The following CASD1 variants were observed in gnomAD, a reference collection of about 807,000 sequenced individuals.
The protein encoded by CASD1 is CAS1 domain sialic acid O acetyltransferase 1, also known as N-acetylneuraminate (7)9-O-acetyltransferase.
A neutral mutation model predicts 100.0 loss-of-function variants in CASD1; 41 were observed. The ratio of observed to expected loss-of-function variants is 0.41; its 90% CI spans 0.32 to 0.53. The LOEUF (loss-of-function observed/expected upper bound fraction) is 0.53, where lower values mean the gene tolerates loss of function less well. CASD1 is among the 20% of genes least tolerant of loss of function. The pLI is 0.25. For missense variants in CASD1, 774 were observed against 948.7 expected (o/e 0.82, Z 2.42); for synonymous variants, 321 against 315.6 (o/e 1.02, Z -0.18).
In CASD1 at chr7:94,533,265, T is replaced by C; in HGVS notation, c.504+16T>C. ...AGCTGCCACAGTAAGTTATCATCTG[T>C]ATTCTTACTTAATGATTTTGTTTCA... On this transcript the variant is annotated intron_variant, in intron 6 of 17. Coordinates refer to ENST00000297273, the MANE Select transcript of CASD1 (RefSeq NM_022900.5). 2 of 1,592,050 alleles carry C rather than the reference T, an allele frequency of 1.3e-6. No homozygotes were observed. The highest frequency in any genetic ancestry group is 1.7e-6 in the Non-Finnish European group (2 of 1,164,132).
At chr7:94,610,981 C>T in the CASD1 span, among the ~76,000 whole-genome samples, 10 of 152,044 alleles carry the variant, frequency 6.6e-5, no homozygotes, top group Admixed American at 4.6e-4. Flanking sequence ...TGGCTATAAT[C>T]AAAAAGGCAG....
chr7:94,552,402 T>G lies in CASD1; in HGVS notation c.2009T>G (p.Leu670Arg). 6.2e-7 allele frequency: 1 copy of G among 1,610,460 alleles called. No homozygotes were observed. ...SCKNKAECNE[L>R]HPSVSVVQIL... The stretch of plus-strand genomic sequence containing the variant: ...AAAAACAAAGCAGAGTGCAATGAAC[T>G]CCATCCGTCTGTTTCTGTGGTACAG... The change falls in exon 16 of 18, where the codon CTC becomes CGC. Residue 670 changes from leucine (L) to arginine (R), a missense_variant. By Grantham distance (102) the Leu-to-Arg change is moderately radical. Around this residue, in one of 5 missense-constraint regions of CASD1, gnomAD observed 175 missense variants for 206.9 expected, o/e 0.85. Coordinates refer to ENST00000297273, the MANE Select transcript of CASD1 (RefSeq NM_022900.5).
At chr7:94,603,170 G>A in the CASD1 span, 1 of 730,946 alleles carries the variant, frequency 1.4e-6, no homozygotes, top group Non-Finnish European at 2.3e-6. Context: ...CTCAAGGGAA[G>A]TCAACTGCAG....
At chr7:94,599,853 AT>A in the CASD1 span, 1 of 732,398 alleles carries the variant, frequency 1.4e-6, no homozygotes, top group Non-Finnish European at 2.4e-6. Context: ...ACCAGGCAGC[AT>A]TTGCCACCAG....
At chr7:94,584,057 T>A in the CASD1 span, among the ~76,000 whole-genome samples, 37 of 152,304 alleles carry the variant, frequency 2.4e-4, no homozygotes, top group East Asian at 6.4e-3. Context: ...TCTCTCCCCA[T>A]TCAATACCTC....
chr7:94,601,443 C>CAAAAAAAAAAAAAAA, the CASD1 span, among the ~76,000 whole-genome samples: 58 of 89,300 alleles, frequency 6.5e-4, 6 homozygotes, highest in East Asian at 8.3e-4. Flanking sequence ...ATCCCAGTAT[C>CAAAAAAAAAAAAAAA]AAAAAAAAAA....
At position 94,552,489 on chromosome 7, in the gene CASD1, A is replaced by T. The variant is rs1362672459; in HGVS notation, c.2034+62A>T. ...TTCTTGATAAGAAAATGGTTTTTAG[A>T]GGCAGAGAGATTTGAGATTGAACTC... On this transcript the variant is annotated intron_variant, in intron 16 of 17. Transcript: ENST00000297273. 3 of 1,264,614 alleles carry T rather than the reference A, an allele frequency of 2.4e-6. No homozygotes were observed. The East Asian group carries it at 7.1e-5, about 30-fold the overall frequency. The allele number at this position is 1,264,614 out of a possible 1,614,324, so 78.3% of individuals were successfully genotyped here. A position where few individuals can be genotyped will look rare whatever the true frequency, so the allele number is the denominator to read the frequency against.
At chr7:94,604,395 T>C in the CASD1 span, among the ~76,000 whole-genome samples, 1 of 151,522 alleles carries the variant, frequency 6.6e-6, no homozygotes. Flanking sequence ...AGGAAGTTCA[T>C]AGCACCCAGA....
chr7:94,579,065 G>A, the CASD1 span, among the ~76,000 whole-genome samples: 1 of 152,044 alleles, frequency 6.6e-6, no homozygotes, highest in East Asian at 1.9e-4. Context: ...GTACCAGATA[G>A]TGTACTAGAC....
intron 10 of CASD1, among the ~76,000 whole-genome samples, chr7:94,539,386 A>G (rs1795273053): frequency 6.6e-6 from 1 of 152,148 alleles, no homozygotes; most frequent in Non-Finnish European, 1.5e-5. Context: ...AACTTTGAAG[A>G]GGCCAGGTGT....
chr7:94,521,323 A>T (rs1377035252), intron 3 of CASD1, among the ~76,000 whole-genome samples: 1 of 152,228 alleles, frequency 6.6e-6, no homozygotes, highest in African/African-American at 2.4e-5. Context: ...AAATGTAAGA[A>T]GCAATGGTTT....
At chr7:94,551,613 T>C (rs1033389056) in intron 15 of CASD1, 135 bp downstream of exon 15, 3 of 341,296 alleles carry the variant, frequency 8.8e-6, no homozygotes, top group African/African-American at 2.1e-5. Flanking sequence ...GAAATTTTAA[T>C]ACTTCTCTCC....
the CASD1 span, among the ~76,000 whole-genome samples, chr7:94,606,193 G>A: frequency 6.6e-6 from 1 of 151,938 alleles, no homozygotes; most frequent in Admixed American, 6.6e-5. Context: ...CTGTCAGAGT[G>A]GATTGAAAAA....
chr7:94,562,740 C>A, the CASD1 span, among the ~76,000 whole-genome samples: 1 of 152,010 alleles, frequency 6.6e-6, no homozygotes, highest in Non-Finnish European at 1.5e-5. Flanking sequence ...AGATGTCAGG[C>A]TGCAAACTCA....
In CASD1 at chr7:94,518,406, T is replaced by C. The variant is rs1038805218; in HGVS notation, c.351+83T>C. 4.7e-5 allele frequency: 58 copies of C among 1,233,048 alleles called. No individual in the cohort carries two copies. The East Asian group carries it at 1.6e-3, about 33-fold the overall frequency. 76.4% of individuals were successfully genotyped at this position (1,233,048 alleles called of 1,614,324 possible). A position where few individuals can be genotyped will look rare whatever the true frequency, so the allele number is the denominator to read the frequency against. ...TACAGGAGGAGTGTGTCTCTCCAGA[T>C]TGAGTAGGAGCTGAAAAAATTTTAC... On this transcript the variant is annotated intron_variant, in intron 3 of 17. Transcript: ENST00000297273.
intron 3 of CASD1, among the ~76,000 whole-genome samples, chr7:94,521,306 T>A (rs1349926902): frequency 6.6e-6 from 1 of 151,972 alleles, no homozygotes; most frequent in East Asian, 1.9e-4. Context: ...CAGAAAAAAA[T>A]TATCTGAAAT....
chr7:94,533,670 T>G lies in CASD1; in HGVS notation c.505-9T>G, dbSNP rs1794966443. ...ACTAAATTAATGCATAATTTGTACT[T>G]CTTTTTAGTGGTCCATCAAGATTCA... On this transcript the variant is annotated splice_polypyrimidine_tract_variant and intron_variant, in intron 6 of 17. Coordinates refer to ENST00000297273, the MANE Select transcript of CASD1 (RefSeq NM_022900.5). 1 of 1,585,976 alleles carries G rather than the reference T, an allele frequency of 6.3e-7. No individual in the cohort carries two copies. The highest frequency in any genetic ancestry group is 1.4e-5 in the African/African-American group (1 of 73,646).
the CASD1 span, among the ~76,000 whole-genome samples, chr7:94,564,374 CT>C: frequency 6.6e-6 from 1 of 152,164 alleles, no homozygotes; most frequent in African/African-American, 2.4e-5. Flanking sequence ...TCCCTGCATT[CT>C]TTGGATCTTT....
the CASD1 span, chr7:94,617,329 C>T: frequency 3.3e-5 from 5 of 152,292 alleles, no homozygotes; most frequent in South Asian, 4.1e-4. Flanking sequence ...ACCTGCACTA[C>T]TAACGAGAAA....
Sources: allele counts gnomAD v4.1 joint callset (sites outside exome capture counted in the v4.1 genomes callset), GRCh38; gene constraint gnomAD v4.1.1; regional missense constraint gnomAD v4.1.1; transcripts MANE v1.5; gene names NCBI Gene and HGNC (gene_info 2026-07-23, HGNC 2026-07-21).